Variants in ARHGAP10 observed in about 807,000 individuals in gnomAD.
ARHGAP10 encodes the protein rho GTPase-activating protein 10.
A neutral mutation model predicts 108.6 loss-of-function variants in ARHGAP10; 87 were observed. The observed-to-expected ratio is 0.80, with a 90% CI of 0.67 to 0.96. The LOEUF is 0.96. Ranked by LOEUF, ARHGAP10 falls within the 40% of genes least tolerant of loss-of-function variation. The pLI is 0.00. For missense variants in ARHGAP10, 939 were observed against 954.5 expected, an observed-to-expected ratio of 0.98 and a Z score of 0.21; for synonymous variants, 347 against 341.1, an observed-to-expected ratio of 1.02 and a Z score of -0.19.
In ARHGAP10 at chr4:147,965,008, A is replaced by G. The variant is rs761882168; in HGVS notation, c.1451-16A>G. On this transcript the variant is annotated splice_polypyrimidine_tract_variant and intron_variant, in intron 16 of 22. Transcript: ENST00000336498. ...TTTCTTTATTTTTTTCTTTATTATT[A>G]TTTTTTTTTTGGAAGAAAGCGGCAG... 7 of 1,329,060 alleles carry G rather than the reference A, an allele frequency of 5.3e-6. No individual in the cohort carries two copies. The highest frequency in any genetic ancestry group is 7.1e-6 in the Non-Finnish European group (7 of 985,632). The allele number at this position is 1,329,060 out of a possible 1,614,324, so 82.3% of individuals were successfully genotyped here.
intron 18 of ARHGAP10, among the ~76,000 whole-genome samples, chr4:147,998,434 C>A (rs987004718): frequency 1.3e-5 from 2 of 152,188 alleles, no homozygotes; most frequent in Non-Finnish European, 2.9e-5. Context: ...ACAGTTAAAT[C>A]TTTGGATATT....
chr4:147,890,241 A>G (rs1485263098), intron 10 of ARHGAP10, among the ~76,000 whole-genome samples: 4 of 152,230 alleles, frequency 2.6e-5, no homozygotes, highest in East Asian at 1.9e-4. Context: ...CTGAGAACCA[A>G]TGGGAGAATG....
intron 19 of ARHGAP10, among the ~76,000 whole-genome samples, chr4:148,038,439 C>G (rs1165220558): frequency 6.6e-6 from 1 of 152,194 alleles, no homozygotes; most frequent in Non-Finnish European, 1.5e-5. Flanking sequence ...TCAGGTTCTT[C>G]CTGTAGATTT....
At chr4:148,021,174 G>A (rs1218234366) in intron 18 of ARHGAP10, among the ~76,000 whole-genome samples, 4 of 152,174 alleles carry the variant, frequency 2.6e-5, no homozygotes, top group African/African-American at 9.7e-5. Context: ...TTTGGACTGA[G>A]GTGCTGGGAA....
At chr4:148,036,927 C>T (rs1045791972) in intron 19 of ARHGAP10, among the ~76,000 whole-genome samples, 7 of 152,226 alleles carry the variant, frequency 4.6e-5, no homozygotes, top group Admixed American at 4.6e-4. Context: ...TCTGGGTAAG[C>T]TGTGAAGAAA....
Position 147,785,567 on chromosome 4 carries a change from T to C in ARHGAP10, c.155-37160T>C, listed in dbSNP as rs370485525. 1.6e-4 allele frequency among the ~76,000 whole-genome samples: 24 copies of C among 152,246 alleles called. No individual in the cohort carries two copies. The East Asian group carries it at 4.4e-3, about 28-fold the overall frequency. On this transcript the variant is annotated intron_variant, in intron 1 of 22. Coordinates refer to ENST00000336498, the MANE Select transcript of ARHGAP10 (RefSeq NM_024605.4). ...TATGATATCTAGGACATAAATGACA[T>C]GTAGTTTATGCTTTCAAACAGAAGT...
rs1740621618 is a variant in ARHGAP10, at chr4:147,999,734, G to A, written c.1717-23529G>A. On this transcript the variant is annotated intron_variant, in intron 18 of 22. Transcript: ENST00000336498. ...GAATCCGTGAGGCCAAGAACCCCAG[G>A]TCAGAGAACACGAGGCTTGCCACCA... Among the ~76,000 whole-genome samples the A allele has an allele frequency of 3.9e-5, 6 of 152,268 alleles. No individual in the cohort carries two copies. In the South Asian group the frequency reaches 1.0e-3, roughly 26 times the overall value.
intron 13 of ARHGAP10, among the ~76,000 whole-genome samples, chr4:147,915,622 T>C (rs1736948363): frequency 6.6e-6 from 1 of 152,208 alleles, no homozygotes; most frequent in South Asian, 2.1e-4. Flanking sequence ...TATAAGTATA[T>C]AGATGTTGAA....
chr4:148,020,539 G>GTTTTTTTTTTTTTTTT (rs151004924), intron 18 of ARHGAP10, among the ~76,000 whole-genome samples: 1 of 146,322 alleles, frequency 6.8e-6, no homozygotes, highest in African/African-American at 2.6e-5. Context: ...GAGAACATGC[G>GTTTTTTTTTTTTTTTT]TTTTTTGTTT....
At chr4:147,934,055 C>A (rs1468136051) in intron 13 of ARHGAP10, among the ~76,000 whole-genome samples, 1 of 152,186 alleles carries the variant, frequency 6.6e-6, no homozygotes, top group Non-Finnish European at 1.5e-5. Flanking sequence ...GAGTTGGGAC[C>A]TTGGCTGAGG....
chr4:148,016,709 G>A (rs899810455), intron 18 of ARHGAP10, among the ~76,000 whole-genome samples: 2 of 152,188 alleles, frequency 1.3e-5, no homozygotes, highest in Non-Finnish European at 2.9e-5. Context: ...AGTGCCAGAT[G>A]CCACAGATTG....
chr4:147,866,944 C>A, intron 7 of ARHGAP10, 128 bp downstream of exon 7: 1 of 737,344 alleles, frequency 1.4e-6, no homozygotes, highest in Non-Finnish European at 2.2e-6. Flanking sequence ...TGAGGGTATG[C>A]TGCCACCTGC....
chr4:147,766,531 G>A (rs886596927), intron 1 of ARHGAP10, among the ~76,000 whole-genome samples: 1 of 150,706 alleles, frequency 6.6e-6, no homozygotes, highest in African/African-American at 2.4e-5. Flanking sequence ...TGGATATGGA[G>A]GGCTGTCTGT....
intron 10 of ARHGAP10, among the ~76,000 whole-genome samples, chr4:147,903,805 G>A (rs912814413): frequency 5.3e-5 from 8 of 152,080 alleles, no homozygotes; most frequent in Admixed American, 1.3e-4. Context: ...TTTTAGCACC[G>A]AATAATACTC....
At chr4:147,846,519 A>G (rs1460351794) in intron 3 of ARHGAP10, among the ~76,000 whole-genome samples, 1 of 152,086 alleles carries the variant, frequency 6.6e-6, no homozygotes, top group Non-Finnish European at 1.5e-5. Context: ...AAATCCCCAA[A>G]CCAGCCAACA....
intron 10 of ARHGAP10, among the ~76,000 whole-genome samples, chr4:147,883,455 T>A (rs1735418059): frequency 6.6e-6 from 1 of 152,168 alleles, no homozygotes; most frequent in Non-Finnish European, 1.5e-5. Flanking sequence ...CACACACCCA[T>A]GGGTGGCATT....
chr4:147,741,767 T>TACACACACACAC (rs369661175), intron 1 of ARHGAP10, among the ~76,000 whole-genome samples: 1 of 134,566 alleles, frequency 7.4e-6, no homozygotes, highest in African/African-American at 2.8e-5. Context: ...TCGTTCTCTT[T>TACACACACACAC]ACACACACAC....
At chr4:147,928,358 G>C (rs139096067) in intron 13 of ARHGAP10, among the ~76,000 whole-genome samples, 1 of 152,308 alleles carries the variant, frequency 6.6e-6, no homozygotes, top group East Asian at 1.9e-4. Context: ...CCACCCTTAC[G>C]TGCCAAACTG....
intron 18 of ARHGAP10, among the ~76,000 whole-genome samples, chr4:148,012,596 A>G (rs1487975623): frequency 6.6e-6 from 1 of 152,204 alleles, no homozygotes; most frequent in Admixed American, 6.5e-5. Flanking sequence ...GTTGGATGGT[A>G]AGATCTACCT....
Sources: allele counts gnomAD v4.1 joint callset (sites outside exome capture counted in the v4.1 genomes callset), GRCh38; gene constraint gnomAD v4.1.1; transcripts MANE v1.5; gene names NCBI Gene and HGNC (gene_info 2026-07-23, HGNC 2026-07-21).